GNA14: variants seen among roughly 807,000 people sequenced by gnomAD.
GNA14 encodes G protein subunit alpha 14.
In GNA14, 50 loss-of-function variants were observed where a neutral mutation model predicts 42.0. The ratio of observed to expected loss-of-function variants is 1.19; its 90% CI spans 0.95 to 1.51. GNA14 has a LOEUF of 1.51. Ranked by LOEUF, GNA14 falls within the 40% of genes most tolerant of loss-of-function variation. The probability of loss-of-function intolerance (pLI) is 0.00; values close to 1 mark genes in which losing one functional copy is unlikely to be tolerated. For synonymous variants in GNA14, 173 were observed against 163.1 expected, an observed-to-expected ratio of 1.06 and a Z score of -0.46; for missense variants, 473 against 446.2, an observed-to-expected ratio of 1.06 and a Z score of -0.54.
At chr9:77,611,785 T>C (rs967697381) in intron 1 of GNA14, among the ~76,000 whole-genome samples, 2 of 152,164 alleles carry the variant, frequency 1.3e-5, no homozygotes, top group African/African-American at 4.8e-5. Context: ...GCACCCACCA[T>C]ACCCTGATGC....
At chr9:77,628,641 A>C (rs1374696009) in intron 1 of GNA14, among the ~76,000 whole-genome samples, 1 of 152,102 alleles carries the variant, frequency 6.6e-6, no homozygotes, top group East Asian at 1.9e-4. Flanking sequence ...ATGGGGAAAG[A>C]ATTCCATATT....
At chr9:77,578,334 T>G (rs1296973795) in intron 1 of GNA14, among the ~76,000 whole-genome samples, 1 of 152,142 alleles carries the variant, frequency 6.6e-6, no homozygotes, top group African/African-American at 2.4e-5. Context: ...TATCTGAGGA[T>G]CATTGGGCCT....
At chr9:77,645,469 G>A (rs886245139) in intron 1 of GNA14, among the ~76,000 whole-genome samples, 55 of 152,188 alleles carry the variant, frequency 3.6e-4, no homozygotes, top group African/African-American at 1.3e-3. Context: ...ACGGCTCTGT[G>A]TGGTTTAGAA....
intron 2 of GNA14, among the ~76,000 whole-genome samples, chr9:77,463,469 A>G (rs1836154362): frequency 6.6e-6 from 1 of 152,214 alleles, no homozygotes; most frequent in Admixed American, 6.5e-5. Flanking sequence ...GCTTTTAAAA[A>G]TCTCCCAGCC....
At chr9:77,637,712 C>T (rs990374903) in intron 1 of GNA14, among the ~76,000 whole-genome samples, 3 of 151,922 alleles carry the variant, frequency 2.0e-5, no homozygotes, top group Admixed American at 6.6e-5. Context: ...AAAACCTAGC[C>T]GGGTGTGGTA....
chr9:77,515,960 CAAAAAAAA>C (rs1158448237), intron 2 of GNA14, among the ~76,000 whole-genome samples: 5 of 52,736 alleles, frequency 9.5e-5, no homozygotes, highest in African/African-American at 1.9e-4. Flanking sequence ...CCCTGTCTCA[CAAAAAAAA>C]AAAAAAAAAA....
chr9:77,461,185 G>A (rs1296581681), intron 2 of GNA14, among the ~76,000 whole-genome samples: 6 of 152,170 alleles, frequency 3.9e-5, no homozygotes, highest in Non-Finnish European at 8.8e-5. Flanking sequence ...TCCGCGCTGT[G>A]AGTGCTGCAA....
rs192469167 is a variant in GNA14 at position 77,633,934 on chromosome 9, C to T, written c.124+13736G>A. On this transcript the variant is annotated intron_variant, in intron 1 of 6. Transcript: ENST00000341700. The stretch of plus-strand genomic sequence containing the variant: ...CCAGAATAATGACTGAATGTATAAA[C>T]GTCACTGCTTTAATATTGCCTTTTC... 7.2e-3 allele frequency among the ~76,000 whole-genome samples: 1,097 copies of T among 152,238 alleles called. 5 individuals are homozygous for T. The highest frequency in any genetic ancestry group is 0.011 in the Non-Finnish European group (717 of 68,024).
intron 1 of GNA14, among the ~76,000 whole-genome samples, chr9:77,541,157 A>G (rs2120393): frequency 0.44 from 66,486 of 151,850 alleles, 16,512 homozygotes; most frequent in Admixed American, 0.55. Flanking sequence ...ATGGTGGTAA[A>G]TGTTGTCCTT....
chr9:77,495,802 A>G (rs1337419523), intron 2 of GNA14, among the ~76,000 whole-genome samples: 2 of 152,208 alleles, frequency 1.3e-5, no homozygotes, highest in African/African-American at 4.8e-5. Context: ...AAGGGCTTCC[A>G]TTGTTTTTTA....
intron 1 of GNA14, among the ~76,000 whole-genome samples, chr9:77,640,871 C>CAAAA (rs1178043976): frequency 1.7e-3 from 47 of 27,304 alleles, no homozygotes; most frequent in East Asian, 2.5e-3. Context: ...ATAAAATGCT[C>CAAAA]AAAAAAAAAA....
chr9:77,620,759 A>G (rs1435813435), intron 1 of GNA14, among the ~76,000 whole-genome samples: 1 of 147,990 alleles, frequency 6.8e-6, no homozygotes, highest in East Asian at 2.0e-4. Context: ...AGGCAGGAGA[A>G]TTTGTTTGAA....
intron 2 of GNA14, among the ~76,000 whole-genome samples, chr9:77,481,718 T>C (rs1270850671): frequency 6.6e-6 from 1 of 152,194 alleles, no homozygotes; most frequent in Non-Finnish European, 1.5e-5. Context: ...ACTTGCTTTA[T>C]GAATCTGGGT....
At chr9:77,496,722 C>T (rs1044192177) in intron 2 of GNA14, among the ~76,000 whole-genome samples, 2 of 152,138 alleles carry the variant, frequency 1.3e-5, no homozygotes, top group Admixed American at 6.6e-5. Context: ...TGAACTCGAC[C>T]TTAGATTAAC....
chr9:77,589,536 C>T (rs148230718), intron 1 of GNA14, among the ~76,000 whole-genome samples: 10 of 152,258 alleles, frequency 6.6e-5, no homozygotes, highest in African/African-American at 2.4e-4. Flanking sequence ...TGAGTCAGCC[C>T]TGTCTTTACA....
At chr9:77,593,634 G>C (rs1238519481) in intron 1 of GNA14, among the ~76,000 whole-genome samples, 1 of 152,164 alleles carries the variant, frequency 6.6e-6, no homozygotes, top group Non-Finnish European at 1.5e-5. Flanking sequence ...GAGATGCAAG[G>C]CCTCCTGGGG....
At chr9:77,452,633 G>C in intron 2 of GNA14, among the ~76,000 whole-genome samples, 1 of 286 alleles carries the variant, frequency 3.5e-3, no homozygotes, top group East Asian at 0.083. Flanking sequence ...ATATGTGTGC[G>C]GTGTGTGTGT....
At chr9:77,477,167 G>C (rs1836444425) in intron 2 of GNA14, among the ~76,000 whole-genome samples, 2 of 152,088 alleles carry the variant, frequency 1.3e-5, no homozygotes, top group Non-Finnish European at 2.9e-5. Context: ...GACGAGCCGA[G>C]GCAACATGGC....
intron 2 of GNA14, among the ~76,000 whole-genome samples, chr9:77,469,365 TAAAAAAAAAA>T (rs10537760): frequency 8.6e-6 from 1 of 116,934 alleles, no homozygotes; most frequent in African/African-American, 3.2e-5. Context: ...TAAACTGTGT[TAAAAAAAAAA>T]AAAAAAAAAA....
Sources: allele counts gnomAD v4.1 joint callset (sites outside exome capture counted in the v4.1 genomes callset), GRCh38; gene constraint gnomAD v4.1.1; transcripts MANE v1.5; gene names NCBI Gene and HGNC (gene_info 2026-07-23, HGNC 2026-07-21).